ABTB2: variants seen among roughly 807,000 people sequenced by gnomAD.
The protein encoded by ABTB2 is ankyrin repeat and BTB domain containing 2, also known as ankyrin repeat and BTB/POZ domain-containing protein 2.
Under a neutral mutation model 104.1 loss-of-function variants are expected in ABTB2, and 56 were observed. That is an observed-to-expected ratio of 0.54 (90% CI 0.43 to 0.67). ABTB2 has a LOEUF of 0.67. Ranked by LOEUF, ABTB2 falls within the 30% of genes least tolerant of loss-of-function variation. ABTB2 has a pLI of 0.00. For missense variants in ABTB2, 1,279 were observed against 1,407.7 expected (o/e 0.91, Z 1.46); for synonymous variants, 606 against 608.2 (o/e 1.00, Z 0.05).
At chr11:34,207,732 G>A (rs539027595) in intron 1 of ABTB2, among the ~76,000 whole-genome samples, 1 of 152,350 alleles carries the variant, frequency 6.6e-6, no homozygotes, top group East Asian at 1.9e-4. Flanking sequence ...GTCAGAAACG[G>A]AACAGGGACT....
chr11:34,284,787 A>C (rs1854484965), intron 1 of ABTB2, among the ~76,000 whole-genome samples: 1 of 152,246 alleles, frequency 6.6e-6, no homozygotes, highest in Non-Finnish European at 1.5e-5. Flanking sequence ...TGCAGCCAGA[A>C]ATCTGTCAGG....
At chr11:34,285,894 T>G (rs2133089731) in intron 1 of ABTB2, among the ~76,000 whole-genome samples, 1 of 152,314 alleles carries the variant, frequency 6.6e-6, no homozygotes, top group South Asian at 2.1e-4. Flanking sequence ...GGTCTAAACT[T>G]GATGGGCAGC....
chr11:34,168,649 CG>C (rs776199007), intron 5 of ABTB2, among the ~76,000 whole-genome samples: 1 of 152,218 alleles, frequency 6.6e-6, no homozygotes, highest in Non-Finnish European at 1.5e-5. Context: ...AGGTTGAACT[CG>C]GGGCAGGAAC....
intron 1 of ABTB2, among the ~76,000 whole-genome samples, chr11:34,273,742 C>T (rs7937292): frequency 0.037 from 5,626 of 152,126 alleles, 360 homozygotes; most frequent in African/African-American, 0.13. Flanking sequence ...ACTGGGGCAA[C>T]GATCTAGAAA....
chr11:34,196,223 A>C (rs1341324335), intron 3 of ABTB2, among the ~76,000 whole-genome samples: 1 of 152,172 alleles, frequency 6.6e-6, no homozygotes, highest in Non-Finnish European at 1.5e-5. Context: ...CAGGTAGAAA[A>C]TTTCAAAAGG....
At chr11:34,165,209 G>A in intron 8 of ABTB2, 51 bp downstream of exon 8, 1 of 1,484,690 alleles carries the variant, frequency 6.7e-7, no homozygotes, top group Non-Finnish European at 9.1e-7. Context: ...GGCCAGGCTG[G>A]GGGGCACTGC....
At chr11:34,298,896 A>C (rs1342751725) in intron 1 of ABTB2, among the ~76,000 whole-genome samples, 1 of 152,240 alleles carries the variant, frequency 6.6e-6, no homozygotes, top group Admixed American at 6.5e-5. Context: ...AAATTAATAA[A>C]GATCCCTTAT....
At position 34,356,381 on chromosome 11, in the gene ABTB2, G is replaced by GT. The variant is rs1490103067; in HGVS notation, c.883+319dup. On this transcript the variant is annotated intron_variant, in intron 1 of 16. Transcript: ENST00000435224. The surrounding 1 kb of genome is among the most constrained non-coding windows in gnomAD (Gnocchi z 4.6). ...AATCACGGTAAAGAGCCACGGGGCA[G>GT]TAAGTTTCATTTCAAGAGAGGTTCA... is the stretch of plus-strand genomic sequence containing the variant. 2.6e-5 allele frequency among the ~76,000 whole-genome samples: 4 copies of GT among 152,318 alleles called. No individual in the cohort carries two copies. The South Asian group carries it at 6.2e-4, about 24-fold the overall frequency.
intron 1 of ABTB2, among the ~76,000 whole-genome samples, chr11:34,343,464 C>A (rs528314918): frequency 6.6e-6 from 1 of 152,094 alleles, no homozygotes; most frequent in Admixed American, 6.5e-5. Context: ...GACAGACACA[C>A]ACACACATAC....
At chr11:34,233,151 C>T (rs762468571) in intron 1 of ABTB2, among the ~76,000 whole-genome samples, 2 of 152,094 alleles carry the variant, frequency 1.3e-5, no homozygotes, top group Non-Finnish European at 2.9e-5. Flanking sequence ...CAGTCCACCA[C>T]GGGAAGTTAG....
At chr11:34,185,833 C>T (rs946752745) in intron 3 of ABTB2, among the ~76,000 whole-genome samples, 1 of 152,140 alleles carries the variant, frequency 6.6e-6, no homozygotes, top group Non-Finnish European at 1.5e-5. Flanking sequence ...TTGAAAGTTA[C>T]CACCATAAAG....
chr11:34,336,483 A>G lies in ABTB2; in HGVS notation c.883+20218T>C, dbSNP rs150316627. Among the ~76,000 whole-genome samples, 496 of 152,196 alleles carry G rather than the reference A, an allele frequency of 3.3e-3. 4 individuals carry two copies. The highest frequency in any genetic ancestry group is 5.6e-3 in the Non-Finnish European group (380 of 68,020). On this transcript the variant is annotated intron_variant, in intron 1 of 16. Transcript: ENST00000435224. ...TAGTGAGATCTTATCTCTATAAAAAATTTTAAAAAATTATCTGGGTGTGGT... is the reference window on the plus strand; with the variant it reads ...TAGTGAGATCTTATCTCTATAAAAAGTTTTAAAAAATTATCTGGGTGTGGT...
At chr11:34,316,728 C>A (rs547323565) in intron 1 of ABTB2, among the ~76,000 whole-genome samples, 1 of 152,080 alleles carries the variant, frequency 6.6e-6, no homozygotes, top group Admixed American at 6.5e-5. Flanking sequence ...TGATAAAAAC[C>A]GCACCAATAA....
In ABTB2 at chr11:34,356,550, G is replaced by A; in HGVS notation, c.883+151C>T. The A allele has an allele frequency of 9.5e-7, 1 of 1,056,388 alleles. No homozygotes were observed. Among genetic ancestry groups the A allele is most frequent in the Non-Finnish European group, 1.3e-6 (1 of 746,822 alleles). 65.4% of individuals were successfully genotyped at this position (1,056,388 alleles called of 1,614,324 possible). ...ACCCTTAGAACAATCTCTGGCAAGT[G>A]CCATGTAATGAACCCTATCCTCAGA... On this transcript the variant is annotated intron_variant, in intron 1 of 16. Coordinates refer to ENST00000435224, the MANE Select transcript of ABTB2 (RefSeq NM_145804.3). The surrounding 1 kb of genome is among the most constrained non-coding windows in gnomAD (Gnocchi z 4.6).
intron 1 of ABTB2, among the ~76,000 whole-genome samples, chr11:34,306,181 CA>C (rs1432930632): frequency 6.7e-6 from 1 of 150,086 alleles, no homozygotes; most frequent in African/African-American, 2.5e-5. Context: ...GTAGACCCAA[CA>C]GGGGAGGACA....
intron 1 of ABTB2, among the ~76,000 whole-genome samples, chr11:34,212,951 G>A (rs1007379059): frequency 6.6e-6 from 1 of 152,196 alleles, no homozygotes; most frequent in African/African-American, 2.4e-5. Flanking sequence ...AAAGGGTGAT[G>A]TGCTCAGGGC....
chr11:34,233,176 G>A (rs569401323), intron 1 of ABTB2, among the ~76,000 whole-genome samples: 1 of 151,896 alleles, frequency 6.6e-6, no homozygotes, highest in African/African-American at 2.4e-5. Context: ...TTAATAATGA[G>A]GACACAATTA....
intron 1 of ABTB2, among the ~76,000 whole-genome samples, chr11:34,249,809 G>A (rs1003170544): frequency 2.0e-5 from 3 of 152,154 alleles, no homozygotes; most frequent in Non-Finnish European, 4.4e-5. Flanking sequence ...GCCTAGCTAA[G>A]TAAATATTTC....
chr11:34,288,433 C>T (rs1262112232), intron 1 of ABTB2, among the ~76,000 whole-genome samples: 1 of 152,138 alleles, frequency 6.6e-6, no homozygotes, highest in East Asian at 1.9e-4. Context: ...CAGAGTTATC[C>T]TAAGTGCAAG....
Sources: allele counts gnomAD v4.1 joint callset (sites outside exome capture counted in the v4.1 genomes callset), GRCh38; gene constraint gnomAD v4.1.1; non-coding constraint Gnocchi (gnomAD v3.1); transcripts MANE v1.5; gene names NCBI Gene and HGNC (gene_info 2026-07-23, HGNC 2026-07-21).